The following NEK7 variants were observed in gnomAD, a reference collection of about 807,000 sequenced individuals.
NEK7 encodes the protein serine/threonine-protein kinase Nek7.
Under a neutral mutation model 44.6 loss-of-function variants are expected in NEK7, and 18 were observed. That is an observed-to-expected ratio of 0.40 (90% confidence interval 0.28 to 0.60). The LOEUF (loss-of-function observed/expected upper bound fraction) is 0.60. Among genes scored for constraint, NEK7 ranks in the 20% least tolerant of loss-of-function variants. NEK7 has a pLI of 0.38. For synonymous variants in NEK7, 130 were observed against 121.1 expected (o/e 1.07, Z -0.48); for missense variants, 256 against 366.5 (o/e 0.70, Z 2.46).
chr1:198,257,399 A>G (rs1571580955), intron 3 of NEK7, among the ~76,000 whole-genome samples: 1 of 152,286 alleles, frequency 6.6e-6, no homozygotes, highest in Non-Finnish European at 1.5e-5. Flanking sequence ...TAGATTCTGC[A>G]TGTTTGCATA....
At chr1:198,282,587 A>G (rs369744654) in intron 7 of NEK7, among the ~76,000 whole-genome samples, 3 of 152,090 alleles carry the variant, frequency 2.0e-5, no homozygotes. Context: ...TAACCATCCT[A>G]TGTTGTCCCT....
intron 3 of NEK7, among the ~76,000 whole-genome samples, chr1:198,260,478 A>G (rs1653424071): frequency 6.8e-6 from 1 of 147,724 alleles, no homozygotes; most frequent in African/African-American, 2.5e-5. Flanking sequence ...ATTCTGTTCC[A>G]TTCTGAAATC....
chr1:198,198,313 G>C, intron 1 of NEK7: 1 of 392,098 alleles, frequency 2.6e-6, no homozygotes, highest in Non-Finnish European at 4.7e-6. Context: ...GACATTACGA[G>C]CACTGTGGAA....
intron 1 of NEK7, among the ~76,000 whole-genome samples, chr1:198,215,723 AT>A (rs369144454): frequency 7.0e-4 from 106 of 152,268 alleles, no homozygotes; most frequent in African/African-American, 2.3e-3. Flanking sequence ...AAGATATTTC[AT>A]GCAAATGGAA....
At chr1:198,241,434 A>T (rs1389285579) in intron 2 of NEK7, among the ~76,000 whole-genome samples, 1 of 152,208 alleles carries the variant, frequency 6.6e-6, no homozygotes, top group Admixed American at 6.5e-5. Flanking sequence ...TAGTACAGTT[A>T]TGATAGGTGT....
chr1:198,174,770 T>G (rs13376105), intron 1 of NEK7, among the ~76,000 whole-genome samples: 4,863 of 151,486 alleles, frequency 0.032, 221 homozygotes, highest in African/African-American at 0.1. Context: ...TTGTTTTTTT[T>G]GGGGGGGGAC....
At chr1:198,307,017 T>C (rs1655040811) in intron 9 of NEK7, among the ~76,000 whole-genome samples, 1 of 152,258 alleles carries the variant, frequency 6.6e-6, no homozygotes, top group South Asian at 2.1e-4. Context: ...TACCTGTTGT[T>C]AAAAGGAACA....
At chr1:198,318,140 TA>T (rs1241146401) in intron 9 of NEK7, among the ~76,000 whole-genome samples, 12 of 152,170 alleles carry the variant, frequency 7.9e-5, no homozygotes, top group Admixed American at 7.9e-4. Context: ...GCTAGAATCG[TA>T]AAATGTAAGA....
At chr1:198,230,011 C>T (rs1349575711) in intron 1 of NEK7, among the ~76,000 whole-genome samples, 1 of 152,082 alleles carries the variant, frequency 6.6e-6, no homozygotes, top group African/African-American at 2.4e-5. Flanking sequence ...TTTAAAATGT[C>T]ACACAAAGAA....
chr1:198,293,835 T>C (rs1571610841), intron 8 of NEK7, among the ~76,000 whole-genome samples: 1 of 151,922 alleles, frequency 6.6e-6, no homozygotes, highest in African/African-American at 2.4e-5. Context: ...GGAAATGTAA[T>C]ACATGGAAGC....
chr1:198,294,218 T>C (rs977005634), intron 8 of NEK7, among the ~76,000 whole-genome samples: 1 of 151,972 alleles, frequency 6.6e-6, no homozygotes, highest in Admixed American at 6.6e-5. Flanking sequence ...ACTCATACTT[T>C]GGATAATTTT....
intron 1 of NEK7, among the ~76,000 whole-genome samples, chr1:198,178,574 A>G (rs914116777): frequency 1.3e-5 from 2 of 152,070 alleles, no homozygotes; most frequent in Non-Finnish European, 2.9e-5. Context: ...TTTACAGTGC[A>G]CTTTAGTGTA....
intron 1 of NEK7, among the ~76,000 whole-genome samples, chr1:198,218,313 T>C (rs754418929): frequency 2.0e-5 from 3 of 151,766 alleles, no homozygotes; most frequent in Non-Finnish European, 4.4e-5. Context: ...AAAACATAAA[T>C]TGGGAAATAG....
intron 5 of NEK7, among the ~76,000 whole-genome samples, chr1:198,268,581 T>TAGC: frequency 6.6e-6 from 1 of 152,102 alleles, no homozygotes; most frequent in Non-Finnish European, 1.5e-5. Context: ...CGTTTCTCCA[T>TAGC]CAGTCTTTAA....
intron 7 of NEK7, among the ~76,000 whole-genome samples, chr1:198,291,266 C>T (rs551122032): frequency 1.6e-4 from 25 of 152,266 alleles, no homozygotes; most frequent in African/African-American, 5.5e-4. Flanking sequence ...CAGTCACTTG[C>T]TTTATGTCCT....
chr1:198,316,136 C>G (rs1207720813), intron 9 of NEK7, among the ~76,000 whole-genome samples: 1 of 152,092 alleles, frequency 6.6e-6, no homozygotes, highest in Admixed American at 6.5e-5. Context: ...TGATGTAAAT[C>G]CAAAAGGATA....
chr1:198,278,766 A>G (rs944587498), intron 6 of NEK7, among the ~76,000 whole-genome samples, 188 bp from the exon 7 acceptor site: 2 of 151,980 alleles, frequency 1.3e-5, no homozygotes, highest in African/African-American at 4.8e-5. Context: ...TTAGCTGTCT[A>G]GCAGAGAATC....
intron 2 of NEK7, among the ~76,000 whole-genome samples, chr1:198,239,050 A>G (rs1393577102): frequency 2.0e-5 from 3 of 152,200 alleles, no homozygotes; most frequent in Non-Finnish European, 2.9e-5. Flanking sequence ...TGTCCTGGCT[A>G]TAACTCCTCT....
chr1:198,258,525 A>C (rs1243053855), intron 3 of NEK7, among the ~76,000 whole-genome samples: 1 of 152,182 alleles, frequency 6.6e-6, no homozygotes, highest in Non-Finnish European at 1.5e-5. Context: ...TTCTTCTAAC[A>C]ATTTGACATA....
Sources: allele counts gnomAD v4.1 joint callset (sites outside exome capture counted in the v4.1 genomes callset), GRCh38; gene constraint gnomAD v4.1.1; transcripts MANE v1.5; gene names NCBI Gene and HGNC (gene_info 2026-07-23, HGNC 2026-07-21).